CADM1: variants seen among roughly 807,000 people sequenced by gnomAD.
CADM1 encodes the protein cell adhesion molecule 1.
Under a neutral mutation model 53.1 loss-of-function variants are expected in CADM1, and 15 were observed. That is an observed-to-expected ratio of 0.28 (90% confidence interval 0.19 to 0.44). The LOEUF (loss-of-function observed/expected upper bound fraction) is 0.44, where lower values mean the gene tolerates loss of function less well. CADM1 is among the 20% of genes least tolerant of loss of function. CADM1 has a pLI of 1.00. For synonymous variants in CADM1, 281 were observed against 243.0 expected (o/e 1.16, Z -1.45); for missense variants, 434 against 611.3 (o/e 0.71, Z 3.06).
chr11:115,445,774 G>A (rs1424710982), intron 1 of CADM1: 1 of 454,112 alleles, frequency 2.2e-6, no homozygotes, highest in Non-Finnish European at 4.4e-6. Flanking sequence ...AGCACGGGAA[G>A]GCCGAGGCTG....
intron 1 of CADM1, among the ~76,000 whole-genome samples, chr11:115,437,841 G>T (rs921875402): frequency 6.6e-6 from 1 of 152,078 alleles, no homozygotes; most frequent in African/African-American, 2.4e-5. Flanking sequence ...CATTATCAAG[G>T]CAGAGGAAAG....
intron 1 of CADM1, among the ~76,000 whole-genome samples, chr11:115,453,342 G>C (rs1249983178): frequency 1.3e-5 from 2 of 150,928 alleles, no homozygotes; most frequent in East Asian, 2.0e-4. Context: ...TCCAGCTTGA[G>C]TGACAAGAGT....
chr11:115,282,786 C>G, intron 1 of CADM1, among the ~76,000 whole-genome samples: 1 of 152,148 alleles, frequency 6.6e-6, no homozygotes, highest in East Asian at 1.9e-4. Flanking sequence ...AATTAGGGAA[C>G]AGTCAGGATC....
chr11:115,455,601 A>T (rs538966857), intron 1 of CADM1, among the ~76,000 whole-genome samples: 1 of 152,294 alleles, frequency 6.6e-6, no homozygotes, highest in Non-Finnish European at 1.5e-5. Flanking sequence ...GGAAAGTCAC[A>T]CATGTTCTGT....
intron 9 of CADM1, among the ~76,000 whole-genome samples, chr11:115,193,171 G>A (rs756471328): frequency 4.6e-5 from 7 of 152,116 alleles, no homozygotes; most frequent in Non-Finnish European, 1.0e-4. Flanking sequence ...AGACAAAGAC[G>A]TATTTTATGA....
chr11:115,274,486 C>T (rs1943389584), intron 1 of CADM1, among the ~76,000 whole-genome samples: 1 of 152,182 alleles, frequency 6.6e-6, no homozygotes, highest in Non-Finnish European at 1.5e-5. Flanking sequence ...CAGTTTCATA[C>T]AACTTGTTAA....
At chr11:115,393,893 C>T (rs776451697) in intron 1 of CADM1, among the ~76,000 whole-genome samples, 9 of 151,796 alleles carry the variant, frequency 5.9e-5, no homozygotes, top group Non-Finnish European at 7.4e-5. Flanking sequence ...ACAGAGTCAC[C>T]GACCACGGTA....
At chr11:115,346,346 A>T (rs966272772) in intron 1 of CADM1, among the ~76,000 whole-genome samples, 2 of 152,216 alleles carry the variant, frequency 1.3e-5, no homozygotes, top group Non-Finnish European at 2.9e-5. Flanking sequence ...TTCATAAAAC[A>T]TTACAAAATC....
chr11:115,357,309 A>G (rs915435572), intron 1 of CADM1, among the ~76,000 whole-genome samples: 1 of 152,256 alleles, frequency 6.6e-6, no homozygotes, highest in African/African-American at 2.4e-5. Context: ...CCGGGAAAGT[A>G]AACAGAAGGA....
chr11:115,466,739 C>T (rs542021158), intron 1 of CADM1, among the ~76,000 whole-genome samples: 1 of 152,074 alleles, frequency 6.6e-6, no homozygotes, highest in East Asian at 1.9e-4. Context: ...GTCTAGAAGG[C>T]CAAAAGAGTT....
At position 115,176,376 on chromosome 11, in the gene CADM1, T is replaced by G; in HGVS notation, c.*98A>C. The stretch of plus-strand genomic sequence containing the variant: ...AGTCTCACACCTTTCCACCCATTCA[T>G]AAAAAAACACACGAATTTCTCGCAA... On this transcript the variant is annotated 3_prime_UTR_variant, in exon 12 of 12. Transcript: ENST00000331581. 1 of 1,589,922 alleles carries G rather than the reference T, an allele frequency of 6.3e-7. No homozygotes were observed. Among genetic ancestry groups the G allele is most frequent in the East Asian group, 2.3e-5 (1 of 43,008 alleles).
intron 1 of CADM1, among the ~76,000 whole-genome samples, chr11:115,247,917 A>G (rs1486678027): frequency 4.6e-5 from 7 of 152,230 alleles, no homozygotes; most frequent in Admixed American, 4.6e-4. Flanking sequence ...CACTTACTGG[A>G]AAGAATTATG....
At chr11:115,349,487 G>C (rs1945669634) in intron 1 of CADM1, among the ~76,000 whole-genome samples, 2 of 152,218 alleles carry the variant, frequency 1.3e-5, no homozygotes, top group South Asian at 4.2e-4. Context: ...TCACTGTCAG[G>C]AAATAATAAT....
At chr11:115,188,646 T>A (rs1939692703) in intron 10 of CADM1, among the ~76,000 whole-genome samples, 1 of 152,112 alleles carries the variant, frequency 6.6e-6, no homozygotes, top group Non-Finnish European at 1.5e-5. Context: ...GATGATATTA[T>A]TCATTACCAC....
intron 1 of CADM1, among the ~76,000 whole-genome samples, chr11:115,303,510 T>C (rs1394563960): frequency 2.0e-5 from 3 of 152,104 alleles, no homozygotes; most frequent in Non-Finnish European, 4.4e-5. Flanking sequence ...CTGATAGTTT[T>C]ATAGTGTTTG....
chr11:115,250,077 G>C (rs1366922120), intron 1 of CADM1, among the ~76,000 whole-genome samples: 1 of 152,054 alleles, frequency 6.6e-6, no homozygotes, highest in Non-Finnish European at 1.5e-5. Context: ...CTAATTTTTT[G>C]TATTTTTAGT....
At chr11:115,442,890 C>A (rs1948354715) in intron 1 of CADM1, among the ~76,000 whole-genome samples, 1 of 152,182 alleles carries the variant, frequency 6.6e-6, no homozygotes, top group African/African-American at 2.4e-5. Context: ...AGGTTCCCAG[C>A]CAAAAGAATC....
chr11:115,229,291 C>G lies in CADM1; in HGVS notation c.563-20G>C. 10 of 1,613,658 alleles carry G rather than the reference C, an allele frequency of 6.2e-6. No homozygotes were observed. The highest frequency in any genetic ancestry group is 8.5e-6 in the Non-Finnish European group (10 of 1,179,618). ...ATTTGCCTGGGGAACAGAAAATGTA[C>G]CAAGACACCAGAGTTGGGTGAATTT... is the stretch of plus-strand genomic sequence containing the variant. On this transcript the variant is annotated intron_variant, in intron 4 of 11. Coordinates refer to ENST00000331581, the MANE Select transcript of CADM1 (RefSeq NM_001301043.2).
intron 6 of CADM1, 60 bp from the exon 7 acceptor site, chr11:115,214,840 T>C (rs1941110624): frequency 6.7e-7 from 1 of 1,493,532 alleles, no homozygotes. Flanking sequence ...ATCAAACTGC[T>C]CACCCACATG....
Sources: allele counts gnomAD v4.1 joint callset (sites outside exome capture counted in the v4.1 genomes callset), GRCh38; gene constraint gnomAD v4.1.1; transcripts MANE v1.5; gene names NCBI Gene and HGNC (gene_info 2026-07-23, HGNC 2026-07-21).